ZBTB6: variants seen among roughly 807,000 people sequenced by gnomAD.
ZBTB6 encodes the protein zinc finger and BTB domain containing 6.
A neutral mutation model predicts 30.6 loss-of-function variants in ZBTB6; 11 were observed. The observed-to-expected ratio is 0.36, with a 90% CI of 0.23 to 0.60. ZBTB6 has a LOEUF of 0.60. Ranked by LOEUF, ZBTB6 falls within the 20% of genes least tolerant of loss-of-function variation. The probability of loss-of-function intolerance (pLI) is 0.75; values close to 1 mark genes in which losing one functional copy is unlikely to be tolerated. For missense variants in ZBTB6, 380 were observed against 489.4 expected, an observed-to-expected ratio of 0.78 and a Z score of 2.11; for synonymous variants, 174 against 172.0, an observed-to-expected ratio of 1.01 and a Z score of -0.09.
At position 122,911,624 on chromosome 9, in the gene ZBTB6, A is replaced by G; in HGVS notation, c.449T>C (p.Val150Ala). The G allele has an allele frequency of 6.2e-7, 1 of 1,613,466 alleles. No homozygotes were observed. Among genetic ancestry groups the G allele is most frequent in the Admixed American group, 1.7e-5 (1 of 60,024 alleles). The change falls in exon 2 of 2, where the codon GTT (valine) becomes GCT (alanine). Residue 150 changes from valine to alanine, a missense_variant. Val to Ala is a moderately conservative substitution (Grantham distance 64). Transcript: ENST00000373659. This position sits in a 1 kb window ranked among gnomAD's most constrained non-coding sequence, Gnocchi z 4.5. Reference sequence around the variant, plus strand: ...ATCAGAATTTTCATCTTCATTCTTAACATCAGGATCAGAAGACTGACACAG... The same window carrying G: ...ATCAGAATTTTCATCTTCATTCTTAGCATCAGGATCAGAAGACTGACACAG... ...TDLCQSSDPD[V>A]KNEDENSDKD...
rs1389635561 is a variant in ZBTB6 at position 122,911,123 on chromosome 9, A to G, written c.950T>C (p.Leu317Pro). The change falls in exon 2 of 2, where the codon CTG (leucine) becomes CCG (proline). Residue 317 changes from leucine (L) to proline (P), a missense_variant. Transcript: ENST00000373659. The surrounding 1 kb of genome is among the most constrained non-coding windows in gnomAD (Gnocchi z 4.5). Reference sequence around the variant, plus strand: ...TAGTTTATGCATTTTAAGGTGGCGCAGATAGTTTTCAACATGAAGAAAGCC... The same window carrying G: ...TAGTTTATGCATTTTAAGGTGGCGCGGATAGTTTTCAACATGAAGAAAGCC... The part of the protein sequence containing the change: ...PRGFLHVENY[L>P]RHLKMHKLFL... The G allele has an allele frequency of 1.2e-6, 2 of 1,614,120 alleles. No individual in the cohort carries two copies. Among genetic ancestry groups the G allele is most frequent in the African/African-American group, 2.7e-5 (2 of 74,936 alleles).
chr9:122,912,225 A>G, intron 1 of ZBTB6, 144 bp from the exon 2 acceptor site: 1 of 771,006 alleles, frequency 1.3e-6, no homozygotes. Context: ...ATGAACCTTT[A>G]TGCCACCATC....
At position 122,911,851 on chromosome 9, in the gene ZBTB6, G is replaced by A. The variant is rs760232411; in HGVS notation, c.222C>T (p.Ile74=). Reference sequence around the variant, plus strand: ...TTCTGCCAACTTCTGCACTCTGTAAGATGGTGATTCTGACATGTTTTGACT... The same window carrying A: ...TTCTGCCAACTTCTGCACTCTGTAAAATGGTGATTCTGACATGTTTTGACT... ...LTQSKHVRIT[I]LQSAEVGRKL... is the part of the protein sequence containing the mutation. Residue 74 remains isoleucine, a synonymous_variant, in exon 2 of 2, where the codon ATC becomes ATT. Coordinates refer to ENST00000373659, the MANE Select transcript of ZBTB6 (RefSeq NM_006626.6). This position sits in a 1 kb window ranked among gnomAD's most constrained non-coding sequence, Gnocchi z 4.5. 3 of 1,614,186 alleles carry A rather than the reference G, an allele frequency of 1.9e-6. No individual in the cohort carries two copies. The highest frequency in any genetic ancestry group is 2.5e-6 in the Non-Finnish European group (3 of 1,180,022).
At position 122,911,621 on chromosome 9, in the gene ZBTB6, T is replaced by C; in HGVS notation, c.452A>G (p.Lys151Arg). The stretch of plus-strand genomic sequence containing the variant: ...TTTATCAGAATTTTCATCTTCATTC[T>C]TAACATCAGGATCAGAAGACTGACA... The part of the protein sequence containing the change: ...DLCQSSDPDV[K>R]NEDENSDKDC... Residue 151 changes from lysine to arginine, a missense_variant, in exon 2 of 2, where the codon AAG (lysine) becomes AGG (arginine). Coordinates refer to ENST00000373659, the MANE Select transcript of ZBTB6 (RefSeq NM_006626.6). The surrounding 1 kb of genome is among the most constrained non-coding windows in gnomAD (Gnocchi z 4.5). 1 of 1,613,542 alleles carries C rather than the reference T, an allele frequency of 6.2e-7. No homozygotes were observed. The highest frequency in any genetic ancestry group is 8.5e-7 in the Non-Finnish European group (1 of 1,180,040).
In ZBTB6 at chr9:122,913,191, C is replaced by G. The variant is rs1242554726; in HGVS notation, c.-10+60G>C. Reference sequence around the variant, plus strand: ...CGGGGCCGAGCCCAGCTGTCCTCCTCCTCCTCCTCCTCTTCCTCAGGCACC... The same window carrying G: ...CGGGGCCGAGCCCAGCTGTCCTCCTGCTCCTCCTCCTCTTCCTCAGGCACC... On this transcript the variant is annotated intron_variant, in intron 1 of 1. Transcript: ENST00000373659. The G allele has an allele frequency of 3.2e-6, 3 of 942,266 alleles. No homozygotes were observed. The Admixed American group carries it at 1.8e-4, about 58-fold the overall frequency. The allele number at this position is 942,266 out of a possible 1,614,324, so 58.4% of individuals were successfully genotyped here. A position where few individuals can be genotyped will look rare whatever the true frequency, so the allele number is the denominator to read the frequency against.
chr9:122,909,158 A>C lies in ZBTB6; in HGVS notation c.*1640T>G, dbSNP rs550222304. ...ACAAAATTGTCAAAAAAAGGTTAAC[A>C]CTTATAACAACGAACATGTGATTCA... On this transcript the variant is annotated 3_prime_UTR_variant, in exon 2 of 2. Coordinates refer to ENST00000373659, the MANE Select transcript of ZBTB6 (RefSeq NM_006626.6). 7.9e-4 allele frequency: 120 copies of C among 152,354 alleles called. No homozygotes were observed. The highest frequency in any genetic ancestry group is 2.7e-3 in the African/African-American group (114 of 41,596). 9.4% of individuals were successfully genotyped at this position (152,354 alleles called of 1,614,324 possible). A position where few individuals can be genotyped will look rare whatever the true frequency, so the allele number is the denominator to read the frequency against.
rs1398458057 is a variant in ZBTB6 at position 122,908,189 on chromosome 9, G to A, written c.*2609C>T. 6.6e-6 allele frequency: 1 copy of A among 152,176 alleles called. No homozygotes were observed. The highest frequency in any genetic ancestry group is 1.5e-5 in the Non-Finnish European group (1 of 68,032). 9.4% of individuals were successfully genotyped at this position (152,176 alleles called of 1,614,324 possible). A position where few individuals can be genotyped will look rare whatever the true frequency, so the allele number is the denominator to read the frequency against. ...TCAAGATCTTTTATATGTAAATGGA[G>A]TAAATGAAGAGGCTGAACTCAAACA... On this transcript the variant is annotated 3_prime_UTR_variant, in exon 2 of 2. Transcript: ENST00000373659.
chr9:122,912,696 G>T (rs868594718), intron 1 of ZBTB6, among the ~76,000 whole-genome samples: 43 of 152,106 alleles, frequency 2.8e-4, no homozygotes, highest in Middle Eastern at 3.4e-3. Flanking sequence ...GGACAGTCCA[G>T]ATTTCTTAGG....
Position 122,911,516 on chromosome 9 carries a change from A to C in ZBTB6, c.557T>G (p.Leu186Trp), listed in dbSNP as rs1832954530. 5.0e-6 allele frequency: 8 copies of C among 1,614,096 alleles called. No individual in the cohort carries two copies. The highest frequency in any genetic ancestry group is 6.8e-6 in the Non-Finnish European group (8 of 1,180,022). ...TGTCAGACTCTCTACTGTAGACTGC[A>C]AAGCATTGCTTTCCTCTTCTTTAAC... ...FHVKEEESNA[L>W]QSTVESLTSE... Residue 186 changes from leucine to tryptophan, a missense_variant, in exon 2 of 2, where the codon TTG (leucine) becomes TGG (tryptophan). By Grantham distance (61) the Leu-to-Trp change is moderately conservative (BLOSUM62 -2). Transcript: ENST00000373659. The surrounding 1 kb of genome is among the most constrained non-coding windows in gnomAD (Gnocchi z 4.5).
Position 122,911,269 on chromosome 9 carries a change from A to G in ZBTB6, c.804T>C (p.Pro268=). The change falls in exon 2 of 2, where the codon CCT becomes CCC. Residue 268 remains proline, a synonymous_variant. Coordinates refer to ENST00000373659, the MANE Select transcript of ZBTB6 (RefSeq NM_006626.6). The surrounding 1 kb of genome is among the most constrained non-coding windows in gnomAD (Gnocchi z 4.5). ...STVESRVAEV[P]GNQDQGLFCE... ...AAAATAAGCCCTGATCTTGATTCCC[A>G]GGAACTTCAGCCACTCTGCTCTCAA... The G allele has an allele frequency of 6.2e-7, 1 of 1,614,154 alleles. No individual in the cohort carries two copies. The highest frequency in any genetic ancestry group is 8.5e-7 in the Non-Finnish European group (1 of 1,180,040).
At position 122,911,243 on chromosome 9, in the gene ZBTB6, C is replaced by T; in HGVS notation, c.830G>A (p.Cys277Tyr). ...ACCATAACTTCCTTCAGTATTCTCA[C>T]AAAATAAGCCCTGATCTTGATTCCC... is the stretch of plus-strand genomic sequence containing the variant. The part of the protein sequence containing the change: ...VPGNQDQGLF[C>Y]ENTEGSYGTV... Residue 277 changes from cysteine to tyrosine, a missense_variant, in exon 2 of 2, where the codon TGT (cysteine) becomes TAT (tyrosine). By Grantham distance (194) the Cys-to-Tyr change is radical. Transcript: ENST00000373659. The surrounding 1 kb of genome is among the most constrained non-coding windows in gnomAD (Gnocchi z 4.5). 1 of 1,614,198 alleles carries T rather than the reference C, an allele frequency of 6.2e-7. No individual in the cohort carries two copies. Among genetic ancestry groups the T allele is most frequent in the Non-Finnish European group, 8.5e-7 (1 of 1,180,040 alleles).
At position 122,909,437 on chromosome 9, in the gene ZBTB6, T is replaced by C. The variant is rs1054694825; in HGVS notation, c.*1361A>G. 6.6e-6 allele frequency: 1 copy of C among 152,242 alleles called. No individual in the cohort carries two copies. The highest frequency in any genetic ancestry group is 1.5e-5 in the Non-Finnish European group (1 of 68,032). The allele number at this position is 152,242 out of a possible 1,614,324, so 9.4% of individuals were successfully genotyped here. ...AATAATTTATAAAAGTTTTGTGTTA[T>C]ATGTAGACGGAGATGTTAGAGAACT... On this transcript the variant is annotated 3_prime_UTR_variant, in exon 2 of 2. Transcript: ENST00000373659.
rs1832949380 is a variant in ZBTB6 at position 122,911,151 on chromosome 9, G to A, written c.922C>T (p.Arg308Ter). 2.5e-6 allele frequency: 4 copies of A among 1,614,150 alleles called. No homozygotes were observed. Among genetic ancestry groups the A allele is most frequent in the East Asian group, 2.2e-5 (1 of 44,892 alleles). ...SLRHQCPRCP[R>*]GFLHVENYLR... ...TAGTTTTCAACATGAAGAAAGCCTCGAGGACACCTGGGGCACTGGTGCCTC... is the reference window on the plus strand; with the variant it reads ...TAGTTTTCAACATGAAGAAAGCCTCAAGGACACCTGGGGCACTGGTGCCTC... The change falls in exon 2 of 2, where the codon CGA becomes TGA. Residue 308 changes from arginine (R) to a stop codon, truncating the protein, a stop_gained. Transcript: ENST00000373659. LOFTEE classifies it high-confidence loss of function. The surrounding 1 kb of genome is among the most constrained non-coding windows in gnomAD (Gnocchi z 4.5).
rs1197645499 is a variant in ZBTB6 at position 122,909,093 on chromosome 9, T to C, written c.*1705A>G. The C allele has an allele frequency of 6.6e-6, 1 of 152,164 alleles. No homozygotes were observed. Among genetic ancestry groups the C allele is most frequent in the East Asian group, 1.9e-4 (1 of 5,196 alleles). The allele number at this position is 152,164 out of a possible 1,614,324, so 9.4% of individuals were successfully genotyped here. ...CAAACGAGACCTGCATTCTTGAAAG[T>C]CTCAAGGAAAGTTAAAATTCAGTGG... On this transcript the variant is annotated 3_prime_UTR_variant, in exon 2 of 2. Coordinates refer to ENST00000373659, the MANE Select transcript of ZBTB6 (RefSeq NM_006626.6).
chr9:122,911,355 T>C lies in ZBTB6; in HGVS notation c.718A>G (p.Thr240Ala). 2 of 1,614,116 alleles carry C rather than the reference T, an allele frequency of 1.2e-6. No individual in the cohort carries two copies. The highest frequency in any genetic ancestry group is 1.7e-6 in the Non-Finnish European group (2 of 1,180,024). ...VENGQFSQPC[T>A]SSKASMYFSE... ...AAATACATGCTTGCTTTTGAAGAGG[T>C]ACAAGGCTGTGAAAACTGCCCATTT... Residue 240 changes from threonine (T) to alanine (A), a missense_variant, in exon 2 of 2, where the codon ACC becomes GCC. Thr to Ala is a moderately conservative substitution (Grantham distance 58). Transcript: ENST00000373659. The surrounding 1 kb of genome is among the most constrained non-coding windows in gnomAD (Gnocchi z 4.5).
Position 122,910,913 on chromosome 9 carries a change from C to T in ZBTB6, c.1160G>A (p.Cys387Tyr). 1 of 1,614,154 alleles carries T rather than the reference C, an allele frequency of 6.2e-7. No individual in the cohort carries two copies. Among genetic ancestry groups the T allele is most frequent in the South Asian group, 1.1e-5 (1 of 91,070 alleles). ...SGDRPYKCHC[C>Y]DMDFKHKSAL... The stretch of plus-strand genomic sequence containing the variant: ...AGACTTGTGCTTGAAATCCATATCA[C>T]AACAGTGGCATTTGTATGGCCGATC... Residue 387 changes from cysteine (C) to tyrosine (Y), a missense_variant, in exon 2 of 2, where the codon TGT becomes TAT. By Grantham distance (194) the Cys-to-Tyr change is radical. Transcript: ENST00000373659.
chr9:122,910,788 G>A lies in ZBTB6; in HGVS notation c.*10C>T. The A allele has an allele frequency of 6.3e-7, 1 of 1,590,856 alleles. No homozygotes were observed. Among genetic ancestry groups the A allele is most frequent in the Non-Finnish European group, 8.6e-7 (1 of 1,164,480 alleles). On this transcript the variant is annotated 3_prime_UTR_variant, in exon 2 of 2. Coordinates refer to ENST00000373659, the MANE Select transcript of ZBTB6 (RefSeq NM_006626.6). ...AATACAAACTTTATATAACAAGTCT[G>A]TGATTATAATTATAGTAGACTTTGC...
Position 122,913,187 on chromosome 9 carries a change from TC to T in ZBTB6, c.-10+63del, listed in dbSNP as rs1832972067. Reference sequence around the variant, plus strand: ...ACTCCGGGGCCGAGCCCAGCTGTCCTCCTCCTCCTCCTCCTCTTCCTCAGGC... The same window carrying T: ...ACTCCGGGGCCGAGCCCAGCTGTCCTCTCCTCCTCCTCCTCTTCCTCAGGC... On this transcript the variant is annotated intron_variant, in intron 1 of 1. Coordinates refer to ENST00000373659, the MANE Select transcript of ZBTB6 (RefSeq NM_006626.6). 3.3e-6 allele frequency: 3 copies of T among 921,836 alleles called. No homozygotes were observed. In the African/African-American group the frequency reaches 5.4e-5, roughly 17 times the overall value. The allele number at this position is 921,836 out of a possible 1,614,324, so 57.1% of individuals were successfully genotyped here.
At chr9:122,912,704 A>G (rs1315474484) in intron 1 of ZBTB6, among the ~76,000 whole-genome samples, 2 of 152,162 alleles carry the variant, frequency 1.3e-5, no homozygotes, top group South Asian at 2.1e-4. Flanking sequence ...CAGATTTCTT[A>G]GGAAAGAATA....
Sources: allele counts gnomAD v4.1 joint callset (sites outside exome capture counted in the v4.1 genomes callset), GRCh38; gene constraint gnomAD v4.1.1; non-coding constraint Gnocchi (gnomAD v3.1); transcripts MANE v1.5; gene names NCBI Gene and HGNC (gene_info 2026-07-23, HGNC 2026-07-21).